The following NFASC variants were observed in gnomAD, a reference collection of about 807,000 sequenced individuals.
NFASC encodes neurofascin homolog.
NFASC carries 43 observed loss-of-function variants against 147.5 expected under a neutral mutation model. The ratio of observed to expected loss-of-function variants is 0.29; its 90% CI spans 0.23 to 0.38. The LOEUF (loss-of-function observed/expected upper bound fraction) is 0.38. NFASC is among the 10% of genes least tolerant of loss of function. The probability of loss-of-function intolerance (pLI) is 1.00; values close to 1 mark genes in which losing one functional copy is unlikely to be tolerated. For synonymous variants in NFASC, 622 were observed against 665.5 expected (o/e 0.93, Z 1.01); for missense variants, 1,320 against 1,689.0 (o/e 0.78, Z 3.83).
intron 1 of NFASC, among the ~76,000 whole-genome samples, chr1:204,832,296 TATGCTTAGA>T (rs1672443686): frequency 6.6e-6 from 1 of 152,166 alleles, no homozygotes; most frequent in Non-Finnish European, 1.5e-5. Context: ...TGTGGCTGGA[TATGCTTAGA>T]ATGTCAGTGA....
intron 1 of NFASC, among the ~76,000 whole-genome samples, chr1:204,879,205 T>G (rs1282482907): frequency 6.6e-6 from 1 of 152,230 alleles, no homozygotes; most frequent in Non-Finnish European, 1.5e-5. Flanking sequence ...GTGCTTTGAA[T>G]GCAACTATGA....
intron 2 of NFASC, among the ~76,000 whole-genome samples, chr1:204,926,406 ATTTTTTTTTTT>A (rs1202294421): frequency 7.1e-5 from 1 of 14,110 alleles, no homozygotes; most frequent in African/African-American, 2.1e-4. Flanking sequence ...ATATATATAT[ATTTTTTTTTTT>A]TTTTTTTTTT....
In NFASC at chr1:204,968,519, C is replaced by A; in HGVS notation, c.818+159C>A. ...TGAGCAGGGTGTTGCAAACCATAGT[C>A]ATCTCCATCCTATCCTGGCCATCTC... On this transcript the variant is annotated intron_variant, in intron 9 of 29. Transcript: ENST00000339876. The surrounding 1 kb of genome is among the most constrained non-coding windows in gnomAD (Gnocchi z 5.4). The A allele has an allele frequency of 1.6e-6, 1 of 631,202 alleles. No individual in the cohort carries two copies. The highest frequency in any genetic ancestry group is 2.8e-6 in the Non-Finnish European group (1 of 358,602). 39.1% of individuals were successfully genotyped at this position (631,202 alleles called of 1,614,324 possible). A position where few individuals can be genotyped will look rare whatever the true frequency, so the allele number is the denominator to read the frequency against.
At chr1:204,960,321 A>G (rs1179371912) in intron 8 of NFASC, among the ~76,000 whole-genome samples, 1 of 152,228 alleles carries the variant, frequency 6.6e-6, no homozygotes, top group Admixed American at 6.5e-5. Flanking sequence ...TCATTTTTAA[A>G]ACCTGGGATG....
At chr1:205,003,927 A>G (rs953482748) in intron 27 of NFASC, among the ~76,000 whole-genome samples, 3 of 152,144 alleles carry the variant, frequency 2.0e-5, no homozygotes, top group African/African-American at 7.2e-5. Context: ...ATCAAGGCTC[A>G]GAGGGTCTGA....
rs1168799860 is a variant in NFASC at position 204,977,046 on chromosome 1, A to G, written c.1831+251A>G. On this transcript the variant is annotated intron_variant, in intron 16 of 29. Transcript: ENST00000339876. The stretch of plus-strand genomic sequence containing the variant: ...GTCTCAACTGAAAGGGGCCTGAGTG[A>G]TATAGAGAAAGTGGAGAGGGGTTTC... 26 of 1,261,508 alleles carry G rather than the reference A, an allele frequency of 2.1e-5. No individual in the cohort carries two copies. The East Asian group carries it at 8.2e-4, about 40-fold the overall frequency. The allele number at this position is 1,261,508 out of a possible 1,614,324, so 78.1% of individuals were successfully genotyped here.
At chr1:204,982,409 A>T (rs1044599204) in intron 21 of NFASC, among the ~76,000 whole-genome samples, 4 of 152,162 alleles carry the variant, frequency 2.6e-5, no homozygotes, top group Non-Finnish European at 5.9e-5. Flanking sequence ...AAACATCAGG[A>T]CTACCCATCC....
intron 2 of NFASC, among the ~76,000 whole-genome samples, chr1:204,930,992 G>A (rs1256007944): frequency 6.6e-6 from 1 of 152,062 alleles, no homozygotes; most frequent in Non-Finnish European, 1.5e-5. Flanking sequence ...GACTTTTTCT[G>A]GACAAATCCT....
intron 1 of NFASC, among the ~76,000 whole-genome samples, chr1:204,868,148 TAC>T (rs2077270583): frequency 6.6e-6 from 1 of 152,246 alleles, no homozygotes; most frequent in Non-Finnish European, 1.5e-5. Context: ...CTGCAGTAGT[TAC>T]AGTCAGTGAG....
intron 2 of NFASC, among the ~76,000 whole-genome samples, chr1:204,930,321 A>G (rs2092254836): frequency 6.6e-6 from 1 of 152,196 alleles, no homozygotes; most frequent in Non-Finnish European, 1.5e-5. Flanking sequence ...GCTCTGCTAC[A>G]GGGACAGGAT....
chr1:204,848,863 C>G (rs369256621), intron 1 of NFASC, among the ~76,000 whole-genome samples: 4 of 152,348 alleles, frequency 2.6e-5, no homozygotes, highest in South Asian at 4.1e-4. Context: ...CGTTCATTAT[C>G]ATCCCTACCC....
intron 2 of NFASC, among the ~76,000 whole-genome samples, chr1:204,923,861 G>A (rs2091003327): frequency 6.6e-6 from 1 of 152,134 alleles, no homozygotes; most frequent in Admixed American, 6.5e-5. Flanking sequence ...CCTTTCTGCT[G>A]CAGTGATGCA....
At chr1:204,936,031 C>A (rs1168275828) in intron 2 of NFASC, among the ~76,000 whole-genome samples, 1 of 152,010 alleles carries the variant, frequency 6.6e-6, no homozygotes, top group Non-Finnish European at 1.5e-5. Context: ...AAAACAGTCA[C>A]TGTTGGCAGC....
chr1:204,878,756 G>A (rs567881057), intron 1 of NFASC, among the ~76,000 whole-genome samples: 110 of 152,338 alleles, frequency 7.2e-4, no homozygotes, highest in Non-Finnish European at 1.0e-3. Flanking sequence ...TGTTTTGGAA[G>A]AGGGTAGGAG....
At chr1:204,958,815 C>T (rs148434972) in intron 8 of NFASC, among the ~76,000 whole-genome samples, 3 of 152,254 alleles carry the variant, frequency 2.0e-5, no homozygotes, top group Non-Finnish European at 4.4e-5. Context: ...CTTCCTGGAG[C>T]CCCTGCAGAG....
intron 1 of NFASC, chr1:204,870,511 C>A: frequency 4.7e-6 from 1 of 210,712 alleles, no homozygotes; most frequent in Non-Finnish European, 8.5e-6. Flanking sequence ...AACATGACGT[C>A]TCTGAATCTT....
chr1:204,895,512 T>C (rs1052522606), intron 1 of NFASC, among the ~76,000 whole-genome samples: 1 of 152,200 alleles, frequency 6.6e-6, no homozygotes, highest in Non-Finnish European at 1.5e-5. Context: ...TCTCACAGCT[T>C]TTACTCATTC....
intron 2 of NFASC, among the ~76,000 whole-genome samples, chr1:204,932,237 T>A (rs563105027): frequency 2.0e-5 from 3 of 152,314 alleles, no homozygotes; most frequent in African/African-American, 7.2e-5. Flanking sequence ...TAAAAACAGC[T>A]TTATGTTCCT....
intron 1 of NFASC, among the ~76,000 whole-genome samples, chr1:204,909,204 A>T (rs1389123065): frequency 1.3e-5 from 2 of 152,234 alleles, no homozygotes; most frequent in Non-Finnish European, 2.9e-5. Flanking sequence ...TCTACCAGCA[A>T]CATATGAGTG....
Sources: allele counts gnomAD v4.1 joint callset (sites outside exome capture counted in the v4.1 genomes callset), GRCh38; gene constraint gnomAD v4.1.1; non-coding constraint Gnocchi (gnomAD v3.1); transcripts MANE v1.5; gene names NCBI Gene and HGNC (gene_info 2026-07-23, HGNC 2026-07-21).